Variants in SEMA5A observed in about 807,000 individuals in gnomAD.
SEMA5A encodes semaphorin-5A.
In SEMA5A, 55 loss-of-function variants were observed where a neutral mutation model predicts 135.5. The ratio of observed to expected loss-of-function variants is 0.41; its 90% CI spans 0.33 to 0.51. SEMA5A has a LOEUF of 0.51. Ranked by LOEUF, SEMA5A falls within the 20% of genes least tolerant of loss-of-function variation. The probability of loss-of-function intolerance (pLI) is 0.37; values close to 1 mark genes in which losing one functional copy is unlikely to be tolerated. For missense variants in SEMA5A, 1,290 were observed against 1,419.9 expected (o/e 0.91, Z 1.47); for synonymous variants, 580 against 546.5 (o/e 1.06, Z -0.85).
At chr5:9,237,422 C>G (rs765896705) in intron 6 of SEMA5A, among the ~76,000 whole-genome samples, 1 of 152,132 alleles carries the variant, frequency 6.6e-6, no homozygotes, top group Non-Finnish European at 1.5e-5. Flanking sequence ...GATAAAGAAT[C>G]TATCACAAAT....
chr5:9,376,762 G>A (rs950270137), intron 3 of SEMA5A, among the ~76,000 whole-genome samples: 1 of 152,062 alleles, frequency 6.6e-6, no homozygotes, highest in African/African-American at 2.4e-5. Flanking sequence ...ACTGAGTTTG[G>A]TCCAAATCCC....
At chr5:9,180,253 A>T (rs1206432082) in intron 11 of SEMA5A, among the ~76,000 whole-genome samples, 1 of 152,202 alleles carries the variant, frequency 6.6e-6, no homozygotes, top group Admixed American at 6.5e-5. Context: ...AAGGGTTAGG[A>T]ATTTCAACAT....
intron 1 of SEMA5A, among the ~76,000 whole-genome samples, chr5:9,467,497 T>G (rs1385386397): frequency 3.3e-5 from 5 of 152,168 alleles, no homozygotes; most frequent in African/African-American, 9.7e-5. Context: ...GGTGAGAACT[T>G]CAGGGTATTT....
chr5:9,148,628 G>A (rs1742466963), intron 12 of SEMA5A, among the ~76,000 whole-genome samples: 1 of 152,210 alleles, frequency 6.6e-6, no homozygotes, highest in South Asian at 2.1e-4. Flanking sequence ...TACAGCTTTA[G>A]GCTCTAAAAC....
intron 17 of SEMA5A, among the ~76,000 whole-genome samples, chr5:9,064,797 T>C (rs879603732): frequency 6.6e-6 from 1 of 152,170 alleles, no homozygotes; most frequent in Non-Finnish European, 1.5e-5. Flanking sequence ...TGGGATATAC[T>C]TTTCCTGAAA....
intron 8 of SEMA5A, among the ~76,000 whole-genome samples, chr5:9,206,158 C>T (rs763057727): frequency 8.5e-5 from 13 of 152,250 alleles, no homozygotes; most frequent in Non-Finnish European, 1.5e-4. Flanking sequence ...GTATTTTCTT[C>T]TTGTCTACAA....
chr5:9,292,002 G>T (rs952982920), intron 5 of SEMA5A, among the ~76,000 whole-genome samples: 6 of 152,004 alleles, frequency 3.9e-5, no homozygotes, highest in Admixed American at 6.6e-5. Context: ...CCTGGGATTT[G>T]CGGTGAGGCT....
At chr5:9,055,276 C>T (rs1736828902) in intron 18 of SEMA5A, among the ~76,000 whole-genome samples, 1 of 152,198 alleles carries the variant, frequency 6.6e-6, no homozygotes, top group Non-Finnish European at 1.5e-5. Flanking sequence ...ATTGCTGAGT[C>T]CCAGGACAAA....
In SEMA5A at chr5:9,272,186, G is replaced by T. The variant is rs148469591; in HGVS notation, c.271-34296C>A. ...CGCTGGAGCTTGGTGGGGGTGTAGG[G>T]GAGTGTCTGCCATTGCTTAGGCTTG... is the stretch of plus-strand genomic sequence containing the variant. On this transcript the variant is annotated intron_variant, in intron 5 of 22. Transcript: ENST00000382496. 2.6e-3 allele frequency among the ~76,000 whole-genome samples: 397 copies of T among 152,192 alleles called. 3 individuals are homozygous for T. The highest frequency in any genetic ancestry group is 9.1e-3 in the African/African-American group (380 of 41,552).
intron 13 of SEMA5A, among the ~76,000 whole-genome samples, chr5:9,124,512 A>T (rs1031284645): frequency 1.3e-5 from 2 of 152,172 alleles, no homozygotes; most frequent in Admixed American, 6.5e-5. Context: ...GCTGGAGTGC[A>T]GTGGTGTGAT....
At chr5:9,500,639 T>A (rs565783995) in intron 1 of SEMA5A, among the ~76,000 whole-genome samples, 1 of 152,272 alleles carries the variant, frequency 6.6e-6, no homozygotes, top group African/African-American at 2.4e-5. Flanking sequence ...CCCAGTTCAA[T>A]TTGCATTTAA....
chr5:9,544,977 G>T (rs552809034), intron 1 of SEMA5A, among the ~76,000 whole-genome samples: 7 of 152,324 alleles, frequency 4.6e-5, no homozygotes, highest in African/African-American at 1.4e-4. Context: ...TGGTGAAAGG[G>T]GCTCGCCTAG....
rs188979784 is a variant in SEMA5A, at chr5:9,340,606, G to T, written c.125-2794C>A. 2.0e-5 allele frequency among the ~76,000 whole-genome samples: 3 copies of T among 152,238 alleles called. No individual in the cohort carries two copies. The East Asian group carries it at 5.8e-4, about 29-fold the overall frequency. ...GAAGTAATAAAAGGAGTCATGTACA[G>T]AGGAAAAAATGAGTTAACAGCATGT... On this transcript the variant is annotated intron_variant, in intron 3 of 22. Coordinates refer to ENST00000382496, the MANE Select transcript of SEMA5A (RefSeq NM_003966.3).
chr5:9,424,019 C>G (rs532152479), intron 2 of SEMA5A, among the ~76,000 whole-genome samples: 27 of 152,244 alleles, frequency 1.8e-4, no homozygotes, highest in African/African-American at 6.5e-4. Flanking sequence ...GAACACAGTG[C>G]AGCAAATTTT....
intron 13 of SEMA5A, among the ~76,000 whole-genome samples, chr5:9,128,446 T>A (rs986634381): frequency 2.0e-5 from 3 of 152,170 alleles, no homozygotes; most frequent in African/African-American, 7.2e-5. Flanking sequence ...GACATGGTTA[T>A]GTGTGAATAT....
Position 9,035,269 on chromosome 5 carries a change from G to A in SEMA5A, c.*7628C>T, listed in dbSNP as rs1735585555. Reference sequence around the variant, plus strand: ...GATCTTCAGAATGCTTTTTCATAAAGATGAATAGGGTTGAGATACAGAAAC... The same window carrying A: ...GATCTTCAGAATGCTTTTTCATAAAAATGAATAGGGTTGAGATACAGAAAC... On this transcript the variant is annotated 3_prime_UTR_variant, in exon 23 of 23. Coordinates refer to ENST00000382496, the MANE Select transcript of SEMA5A (RefSeq NM_003966.3). 2 of 152,300 alleles carry A rather than the reference G, an allele frequency of 1.3e-5. No individual in the cohort carries two copies. Among genetic ancestry groups the A allele is most frequent in the South Asian group, 4.2e-4 (2 of 4,814 alleles). 9.4% of individuals were successfully genotyped at this position (152,300 alleles called of 1,614,324 possible).
chr5:9,153,570 C>A (rs1742753374), intron 12 of SEMA5A, among the ~76,000 whole-genome samples: 2 of 151,712 alleles, frequency 1.3e-5, no homozygotes, highest in African/African-American at 4.8e-5. Flanking sequence ...AGGAGAGAAG[C>A]AGCACTCCAG....
intron 3 of SEMA5A, among the ~76,000 whole-genome samples, chr5:9,373,868 T>C (rs537960555): frequency 1.2e-4 from 18 of 152,338 alleles, no homozygotes; most frequent in African/African-American, 4.1e-4. Context: ...GCATGCTCTC[T>C]AAATAGCCAG....
intron 5 of SEMA5A, among the ~76,000 whole-genome samples, chr5:9,305,748 AC>A (rs1751839316): frequency 2.0e-5 from 3 of 151,008 alleles, no homozygotes; most frequent in Non-Finnish European, 3.0e-5. Flanking sequence ...ACACACACAC[AC>A]ACACACATAT....
Sources: allele counts gnomAD v4.1 joint callset (sites outside exome capture counted in the v4.1 genomes callset), GRCh38; gene constraint gnomAD v4.1.1; transcripts MANE v1.5; gene names NCBI Gene and HGNC (gene_info 2026-07-23, HGNC 2026-07-21).